ALG1L2: variants seen among roughly 807,000 people sequenced by gnomAD.
The protein encoded by ALG1L2 is ALG1 chitobiosyldiphosphodolichol beta-mannosyltransferase like 2, also known as putative glycosyltransferase ALG1L2.
In ALG1L2, 32 loss-of-function variants were observed where a neutral mutation model predicts 29.0. That is an observed-to-expected ratio of 1.10 (90% CI 0.83 to 1.48). The LOEUF is 1.48. ALG1L2 is among the 40% of genes most tolerant of loss of function. The pLI is 0.00. For synonymous variants in ALG1L2, 110 were observed against 109.5 expected, an observed-to-expected ratio of 1.00 and a Z score of -0.03; for missense variants, 318 against 274.1, an observed-to-expected ratio of 1.16 and a Z score of -1.13.
chr3:130,097,281 AC>A lies in ALG1L2; in HGVS notation c.615+32del, dbSNP rs757869106. 73 of 1,601,682 alleles carry A rather than the reference AC, an allele frequency of 4.6e-5. 2 individuals are homozygous for A. The South Asian group carries it at 6.3e-4, about 14-fold the overall frequency. Reference sequence around the variant, plus strand: ...CATGTCTGCCACCACGCCAGGGTGGACAGGGTTCTGGAGACTGGCACCGAGC... The same window carrying A: ...CATGTCTGCCACCACGCCAGGGTGGAAGGGTTCTGGAGACTGGCACCGAGC... On this transcript the variant is annotated intron_variant, in intron 7 of 7. Coordinates refer to ENST00000425059, the MANE Select transcript of ALG1L2 (RefSeq NM_001136152.1).
chr3:130,082,416 C>T (rs1238339784), intron 1 of ALG1L2, among the ~76,000 whole-genome samples: 7 of 132,344 alleles, frequency 5.3e-5, no homozygotes, highest in African/African-American at 7.6e-5. Flanking sequence ...CGGCTTACTG[C>T]GACCTCCACC....
chr3:130,091,276 C>T lies in ALG1L2; in HGVS notation c.36C>T (p.Tyr12=), dbSNP rs769677433. The change falls in exon 2 of 8, where the codon TAC becomes TAT. Residue 12 remains tyrosine, a synonymous_variant. Transcript: ENST00000425059. ...GATAGWAVTV[Y]DKPASFFKEA... ...TTCATTGCAGGGCTGTGACCGTCTACGACAAGCCGGCATCTTTCTTTAAAG... is the reference window on the plus strand; with the variant it reads ...TTCATTGCAGGGCTGTGACCGTCTATGACAAGCCGGCATCTTTCTTTAAAG... 137 of 1,599,416 alleles carry T rather than the reference C, an allele frequency of 8.6e-5. No homozygotes were observed. The highest frequency in any genetic ancestry group is 4.5e-4 in the Middle Eastern group (2 of 4,428).
chr3:130,096,303 C>G, intron 6 of ALG1L2, 140 bp downstream of exon 6: 2 of 927,666 alleles, frequency 2.2e-6, no homozygotes, highest in Non-Finnish European at 3.3e-6. Context: ...CGAGGAGGAG[C>G]CCTGCGGTTA....
chr3:130,087,009 C>T (rs1381025666), intron 1 of ALG1L2, among the ~76,000 whole-genome samples: 1 of 150,960 alleles, frequency 6.6e-6, no homozygotes, highest in Admixed American at 6.6e-5. Context: ...TTCTCTTCTG[C>T]TTTAAGGCTT....
In ALG1L2 at chr3:130,081,973, A is replaced by G. The variant is rs1222333085; in HGVS notation, c.-44A>G. The G allele has an allele frequency of 6.9e-7, 1 of 1,442,686 alleles. No individual in the cohort carries two copies. Among genetic ancestry groups the G allele is most frequent in the African/African-American group, 1.4e-5 (1 of 72,502 alleles). 89.4% of individuals were successfully genotyped at this position (1,442,686 alleles called of 1,614,324 possible). On this transcript the variant is annotated 5_prime_UTR_variant, in exon 1 of 8. It adds an upstream start codon to the 5' untranslated region. Coordinates refer to ENST00000425059, the MANE Select transcript of ALG1L2 (RefSeq NM_001136152.1). ...AGGCTGTCACAGAGGCTGGAGAAATAAGCAGTTCCTTGCTAAGAAGTCTGA... is the reference window on the plus strand; with the variant it reads ...AGGCTGTCACAGAGGCTGGAGAAATGAGCAGTTCCTTGCTAAGAAGTCTGA...
chr3:130,084,308 T>G (rs576596067), intron 1 of ALG1L2, among the ~76,000 whole-genome samples: 16 of 134,980 alleles, frequency 1.2e-4, no homozygotes, highest in African/African-American at 4.2e-4. Context: ...TCAAAAAAAA[T>G]TAATAAAAAG....
Position 130,090,207 on chromosome 3 carries a change from T to A in ALG1L2, c.21-1054T>A, listed in dbSNP as rs865778409. ...CCCGTCCCTACTAAAAATACAAAAA[T>A]TAGCTGGGCTTTGTGGTGGGTGCCT... On this transcript the variant is annotated intron_variant, in intron 1 of 7. Transcript: ENST00000425059. 5.2e-5 allele frequency among the ~76,000 whole-genome samples: 8 copies of A among 152,386 alleles called. No homozygotes were observed. In the South Asian group the frequency reaches 1.7e-3, roughly 32 times the overall value.
chr3:130,089,160 A>C (rs2108118079), intron 1 of ALG1L2, among the ~76,000 whole-genome samples: 1 of 152,392 alleles, frequency 6.6e-6, no homozygotes, highest in Admixed American at 6.5e-5. Flanking sequence ...AGAGGACACT[A>C]ATCTTCTTCC....
chr3:130,083,713 G>C (rs1044023367), intron 1 of ALG1L2, among the ~76,000 whole-genome samples: 1 of 140,380 alleles, frequency 7.1e-6, no homozygotes, highest in African/African-American at 2.5e-5. Context: ...ATGATAAATT[G>C]AGACACAGAC....
Position 130,096,048 on chromosome 3 carries a change from G to A in ALG1L2, c.425-1G>A. On this transcript the variant is annotated splice_acceptor_variant, in intron 5 of 7. Transcript: ENST00000425059. LOFTEE classifies it high-confidence loss of function. ...CTGGCCACACCCCTCTTGCCTAGCA[G>A]GGTCGGTGGACCTGGATGTCTGTCT... is the stretch of plus-strand genomic sequence containing the variant. 2 of 1,609,390 alleles carry A rather than the reference G, an allele frequency of 1.2e-6. No individual in the cohort carries two copies. The highest frequency in any genetic ancestry group is 2.7e-5 in the African/African-American group (2 of 74,820).
At chr3:130,090,993 C>T (rs1308371916) in intron 1 of ALG1L2, 23 of 454,710 alleles carry the variant, frequency 5.1e-5, no homozygotes, top group South Asian at 1.1e-4. Context: ...GTCCTGTTGT[C>T]CACAGTCTGG....
chr3:130,081,959 G>C lies in ALG1L2; in HGVS notation c.-58G>C. 3 of 1,426,168 alleles carry C rather than the reference G, an allele frequency of 2.1e-6. No individual in the cohort carries two copies. The highest frequency in any genetic ancestry group is 1.2e-5 in the South Asian group (1 of 81,250). The allele number at this position is 1,426,168 out of a possible 1,614,324, so 88.3% of individuals were successfully genotyped here. The stretch of plus-strand genomic sequence containing the variant: ...GATTGTAGGGTGTGAGGCTGTCACA[G>C]AGGCTGGAGAAATAAGCAGTTCCTT... On this transcript the variant is annotated 5_prime_UTR_variant, in exon 1 of 8. Transcript: ENST00000425059.
At chr3:130,089,946 GT>G (rs1426385580) in intron 1 of ALG1L2, among the ~76,000 whole-genome samples, 2 of 152,310 alleles carry the variant, frequency 1.3e-5, no homozygotes, top group Non-Finnish European at 2.9e-5. Context: ...GGAGGCTGAG[GT>G]AGGAGAATCG....
In ALG1L2 at chr3:130,091,952, C is replaced by A. The variant is rs905081552; in HGVS notation, c.132-149C>A. On this transcript the variant is annotated intron_variant, in intron 2 of 7. Transcript: ENST00000425059. ...AATATTAGAGAAAGCAAGCCCAGGCCTCGATTGGCAGGGGTGGCCTGGTGC... is the reference window on the plus strand; with the variant it reads ...AATATTAGAGAAAGCAAGCCCAGGCATCGATTGGCAGGGGTGGCCTGGTGC... 2.3e-6 allele frequency: 3 copies of A among 1,310,714 alleles called. No individual in the cohort carries two copies. The African/African-American group carries it at 4.4e-5, about 19-fold the overall frequency. 81.2% of individuals were successfully genotyped at this position (1,310,714 alleles called of 1,614,324 possible).
At chr3:130,097,320 TC>T in intron 7 of ALG1L2, 70 bp downstream of exon 7, 1 of 1,580,380 alleles carries the variant, frequency 6.3e-7, no homozygotes, top group Non-Finnish European at 8.5e-7. Context: ...TGCTCCCTGA[TC>T]CCTGTTTCAC....
intron 5 of ALG1L2, among the ~76,000 whole-genome samples, chr3:130,095,842 TA>T (rs1490209128): frequency 1.3e-5 from 2 of 152,162 alleles, no homozygotes; most frequent in Non-Finnish European, 2.9e-5. Context: ...AAATTGTGGT[TA>T]CGTAGAAAAA....
intron 7 of ALG1L2, among the ~76,000 whole-genome samples, chr3:130,098,014 C>T (rs1270122803): frequency 1.3e-5 from 2 of 152,096 alleles, no homozygotes; most frequent in African/African-American, 4.8e-5. Flanking sequence ...TCCAGGGCAC[C>T]AAGTGTGGGA....
Position 130,086,403 on chromosome 3 carries a change from A to T in ALG1L2, c.20+4367A>T, listed in dbSNP as rs1427118566. The stretch of plus-strand genomic sequence containing the variant: ...AAGACAGAGGTGGGCATGGTGGCTC[A>T]TGCCTGTCATCTCAACACTTTGGGA... On this transcript the variant is annotated intron_variant, in intron 1 of 7. Coordinates refer to ENST00000425059, the MANE Select transcript of ALG1L2 (RefSeq NM_001136152.1). Among the ~76,000 whole-genome samples, 3 of 148,600 alleles carry T rather than the reference A, an allele frequency of 2.0e-5. 1 individual carries two copies. The highest frequency in any genetic ancestry group is 4.5e-5 in the Non-Finnish European group (3 of 66,272).
intron 1 of ALG1L2, 133 bp from the exon 2 acceptor site, chr3:130,091,128 C>T: frequency 2.4e-6 from 2 of 825,972 alleles, no homozygotes; most frequent in Admixed American, 5.1e-5. Flanking sequence ...TTTCTGGAAA[C>T]CAGGAAGAAG....
Sources: allele counts gnomAD v4.1 joint callset (sites outside exome capture counted in the v4.1 genomes callset), GRCh38; gene constraint gnomAD v4.1.1; transcripts MANE v1.5; gene names NCBI Gene and HGNC (gene_info 2026-07-23, HGNC 2026-07-21).